HPSE2: variants seen among roughly 807,000 people sequenced by gnomAD.
HPSE2 encodes the protein heparanase 2 (inactive), also known as inactive heparanase-2.
HPSE2 carries 38 observed loss-of-function variants against 60.5 expected under a neutral mutation model. The observed-to-expected ratio is 0.63, with a 90% CI of 0.48 to 0.82. HPSE2 has a LOEUF of 0.82. Among genes scored for constraint, HPSE2 ranks in the 40% least tolerant of loss-of-function variants. The pLI, the probability that HPSE2 is intolerant of heterozygous loss-of-function variation, is 0.00. For missense variants in HPSE2, 713 were observed against 740.4 expected (o/e 0.96, Z 0.43); for synonymous variants, 295 against 293.2 (o/e 1.01, Z -0.06).
intron 6 of HPSE2, among the ~76,000 whole-genome samples, chr10:98,662,613 TAC>T (rs1947254449): frequency 6.6e-6 from 1 of 152,208 alleles, no homozygotes; most frequent in South Asian, 2.1e-4. Context: ...CTGGGCTTAG[TAC>T]CTGGGTGATG....
At chr10:98,987,078 G>C (rs1224854748) in intron 3 of HPSE2, among the ~76,000 whole-genome samples, 1 of 151,800 alleles carries the variant, frequency 6.6e-6, no homozygotes, top group African/African-American at 2.4e-5. Flanking sequence ...GGAGGAGCTG[G>C]TACCATTCCT....
At chr10:99,238,867 T>C (rs1849906687), upstream of HPSE2, among the ~76,000 whole-genome samples, 2 of 152,118 alleles carry the variant, frequency 1.3e-5, no homozygotes, top group South Asian at 4.1e-4. Flanking sequence ...CTGTATAAAA[T>C]ATGAACTGTC....
chr10:98,477,866 T>G (rs969372900), intron 11 of HPSE2, among the ~76,000 whole-genome samples: 36 of 152,168 alleles, frequency 2.4e-4, no homozygotes, highest in African/African-American at 8.7e-4. Context: ...ACCAGCAGCA[T>G]CATCAGATTC....
Position 99,136,579 on chromosome 10 carries a change from G to A in HPSE2, c.610+7659C>T, listed in dbSNP as rs563829534. Among the ~76,000 whole-genome samples the A allele has an allele frequency of 6.8e-4, 103 of 152,250 alleles. 1 individual carries two copies. The Middle Eastern group carries it at 0.01, about 15-fold the overall frequency. ...GCTTCATCCCTGGGATGCAAGGCTG[G>A]TTCAACATACGCAAATCAATAAACG... On this transcript the variant is annotated intron_variant, in intron 3 of 11. Coordinates refer to ENST00000370552, the MANE Select transcript of HPSE2 (RefSeq NM_021828.5).
chr10:98,566,007 GGC>G (rs1944332866), intron 9 of HPSE2, among the ~76,000 whole-genome samples: 1 of 152,126 alleles, frequency 6.6e-6, no homozygotes, highest in African/African-American at 2.4e-5. Context: ...CTCCCCTCCA[GGC>G]CTCCTGCAAG....
chr10:98,570,918 T>C (rs906625596), intron 9 of HPSE2, among the ~76,000 whole-genome samples: 6 of 152,212 alleles, frequency 3.9e-5, no homozygotes, highest in Non-Finnish European at 8.8e-5. Flanking sequence ...TGTTTAAAGT[T>C]CGTAGTGCTG....
intron 9 of HPSE2, among the ~76,000 whole-genome samples, chr10:98,560,064 G>T (rs187972880): frequency 7.3e-4 from 111 of 152,254 alleles, no homozygotes; most frequent in Non-Finnish European, 1.4e-3. Flanking sequence ...TTACTGTATA[G>T]GTAGTGAAGA....
chr10:99,208,505 C>A (rs975030718), intron 2 of HPSE2, among the ~76,000 whole-genome samples: 3 of 151,838 alleles, frequency 2.0e-5, no homozygotes, highest in Non-Finnish European at 4.4e-5. Context: ...GGCAACATGG[C>A]AAAACCCCAT....
At position 99,013,106 on chromosome 10, in the gene HPSE2, A is replaced by C. The variant is rs1263354570; in HGVS notation, c.610+131132T>G. 16 of 650,256 alleles carry C rather than the reference A, an allele frequency of 2.5e-5. No individual in the cohort carries two copies. In the East Asian group the frequency reaches 4.6e-4, roughly 19 times the overall value. 40.3% of individuals were successfully genotyped at this position (650,256 alleles called of 1,614,324 possible). On this transcript the variant is annotated intron_variant, in intron 3 of 11. Transcript: ENST00000370552. ...GAGAAGAGGTCAGTAGAGATAATCT[A>C]ATCTTAAGTCGTGACATTAACCATT...
chr10:99,054,197 T>C (rs1395982626), intron 3 of HPSE2, among the ~76,000 whole-genome samples: 2 of 152,158 alleles, frequency 1.3e-5, no homozygotes, highest in African/African-American at 2.4e-5. Context: ...GAAAATTGCA[T>C]GTGATTCCTA....
In HPSE2 at chr10:98,458,256, A is replaced by G. The variant is rs1940131727; in HGVS notation, c.*1318T>C. 1 of 152,198 alleles carries G rather than the reference A, an allele frequency of 6.6e-6. No homozygotes were observed. Among genetic ancestry groups the G allele is most frequent in the African/African-American group, 2.4e-5 (1 of 41,426 alleles). 9.4% of individuals were successfully genotyped at this position (152,198 alleles called of 1,614,324 possible). A position where few individuals can be genotyped will look rare whatever the true frequency, so the allele number is the denominator to read the frequency against. ...GTGTCAAATCTCTCCTCCTTCTAAC[A>G]AAAGCATCATTCCTGTCATTTATCC... On this transcript the variant is annotated 3_prime_UTR_variant, in exon 12 of 12. Coordinates refer to ENST00000370552, the MANE Select transcript of HPSE2 (RefSeq NM_021828.5).
At chr10:98,938,777 T>A (rs962994464) in intron 3 of HPSE2, among the ~76,000 whole-genome samples, 2 of 143,038 alleles carry the variant, frequency 1.4e-5, no homozygotes, top group African/African-American at 2.9e-5. Flanking sequence ...CCAAGACACA[T>A]CATTGTCAGA....
intron 3 of HPSE2, among the ~76,000 whole-genome samples, chr10:99,051,099 C>T (rs959722780): frequency 4.6e-5 from 7 of 152,008 alleles, no homozygotes; most frequent in East Asian, 1.9e-4. Flanking sequence ...GGTGAAACCC[C>T]GTCTCTGCTA....
At chr10:99,125,721 G>A (rs150369472) in intron 3 of HPSE2, among the ~76,000 whole-genome samples, 95 of 152,314 alleles carry the variant, frequency 6.2e-4, no homozygotes, top group African/African-American at 2.2e-3. Flanking sequence ...GATCACAGGA[G>A]AAAGATTTAA....
the HPSE2 span, among the ~76,000 whole-genome samples, chr10:99,252,975 T>C: frequency 6.6e-6 from 1 of 150,778 alleles, no homozygotes; most frequent in African/African-American, 2.4e-5. Context: ...CTAAAAGCAA[T>C]CACAGATGAC....
chr10:99,055,708 CAT>C (rs1293289168), intron 3 of HPSE2, among the ~76,000 whole-genome samples: 1 of 151,996 alleles, frequency 6.6e-6, no homozygotes, highest in Non-Finnish European at 1.5e-5. Flanking sequence ...AATTAAATAA[CAT>C]ATTTCTAAAT....
chr10:99,135,914 A>G (rs1342893868), intron 3 of HPSE2, among the ~76,000 whole-genome samples: 1 of 152,142 alleles, frequency 6.6e-6, no homozygotes, highest in Non-Finnish European at 1.5e-5. Flanking sequence ...GGAGATAGAG[A>G]CATGAAAAAC....
intron 4 of HPSE2, among the ~76,000 whole-genome samples, chr10:98,737,944 T>A (rs185538664): frequency 5.3e-5 from 8 of 152,174 alleles, no homozygotes; most frequent in African/African-American, 1.7e-4. Context: ...CAAGCTACCA[T>A]TGACTTTCTT....
chr10:98,875,373 C>G (rs1952848788), intron 3 of HPSE2, among the ~76,000 whole-genome samples: 1 of 152,052 alleles, frequency 6.6e-6, no homozygotes, highest in African/African-American at 2.4e-5. Flanking sequence ...GAAATACAAA[C>G]TACCATCAGA....
Sources: allele counts gnomAD v4.1 joint callset (sites outside exome capture counted in the v4.1 genomes callset), GRCh38; gene constraint gnomAD v4.1.1; transcripts MANE v1.5; gene names NCBI Gene and HGNC (gene_info 2026-07-23, HGNC 2026-07-21).